Variants in GRIN2B observed in about 807,000 individuals in gnomAD.
The protein encoded by GRIN2B is glutamate ionotropic receptor NMDA type subunit 2B.
A neutral mutation model predicts 114.5 loss-of-function variants in GRIN2B; 5 were observed. That is an observed-to-expected ratio of 0.04 (90% CI 0.02 to 0.09). The LOEUF (loss-of-function observed/expected upper bound fraction) is 0.09, where lower values mean the gene tolerates loss of function less well. Among genes scored for constraint, GRIN2B ranks in the 10% least tolerant of loss-of-function variants. The pLI, the probability that GRIN2B is intolerant of heterozygous loss-of-function variation, is 1.00. For missense variants in GRIN2B, 1,108 were observed against 1,943.5 expected (o/e 0.57, Z 8.08); for synonymous variants, 787 against 745.1 (o/e 1.06, Z -0.92).
At chr12:13,738,035 C>T in intron 4 of GRIN2B, among the ~76,000 whole-genome samples, 1 of 152,202 alleles carries the variant, frequency 6.6e-6, no homozygotes. Context: ...CATCCACCTA[C>T]AAACCCTTTC....
intron 2 of GRIN2B, among the ~76,000 whole-genome samples, chr12:13,881,042 G>A (rs1174781987): frequency 6.6e-6 from 1 of 152,170 alleles, no homozygotes; most frequent in Non-Finnish European, 1.5e-5. Flanking sequence ...GTGCGCAGGT[G>A]TGCATGCACA....
At position 13,675,622 on chromosome 12, in the gene GRIN2B, G is replaced by T. The variant is rs778443463; in HGVS notation, c.1125+123C>A. The stretch of plus-strand genomic sequence containing the variant: ...AGAAATGGCTTCTCCTGTGTATCAA[G>T]GTATTGATCCCTTGCTCCACAGGTC... On this transcript the variant is annotated intron_variant, in intron 5 of 13. Transcript: ENST00000609686. 5 of 735,978 alleles carry T rather than the reference G, an allele frequency of 6.8e-6. No homozygotes were observed. In the African/African-American group the frequency reaches 8.6e-5, roughly 13 times the overall value. 45.6% of individuals were successfully genotyped at this position (735,978 alleles called of 1,614,324 possible). A position where few individuals can be genotyped will look rare whatever the true frequency, so the allele number is the denominator to read the frequency against.
intron 3 of GRIN2B, among the ~76,000 whole-genome samples, chr12:13,863,243 A>T (rs967863287): frequency 2.6e-5 from 4 of 152,154 alleles, no homozygotes; most frequent in African/African-American, 9.7e-5. Flanking sequence ...TGCTACACTT[A>T]AGCGCTCCAC....
intron 4 of GRIN2B, among the ~76,000 whole-genome samples, chr12:13,746,378 A>G (rs543893340): frequency 6.6e-6 from 1 of 152,134 alleles, no homozygotes; most frequent in Non-Finnish European, 1.5e-5. Context: ...TCTGAGGCAG[A>G]ATCTGTTTTC....
At chr12:13,632,072 C>A (rs1949619931) in intron 5 of GRIN2B, among the ~76,000 whole-genome samples, 1 of 152,150 alleles carries the variant, frequency 6.6e-6, no homozygotes, top group South Asian at 2.1e-4. Flanking sequence ...AAACCCCAAA[C>A]AATAACCTTA....
rs1591598679 is a variant in GRIN2B at position 13,552,600 on chromosome 12, G to A, written c.*10183C>T. The A allele has an allele frequency of 1.3e-5, 2 of 152,026 alleles. No homozygotes were observed. The highest frequency in any genetic ancestry group is 4.1e-4 in the South Asian group (2 of 4,824). The allele number at this position is 152,026 out of a possible 1,614,324, so 9.4% of individuals were successfully genotyped here. On this transcript the variant is annotated 3_prime_UTR_variant, in exon 14 of 14. Transcript: ENST00000609686. ...AATGAGATTCATGAACGTCCTTCAT[G>A]AGGATGGCTGTCTTCCTACCCTCCC...
At chr12:13,896,673 A>T (rs1866361435) in intron 2 of GRIN2B, among the ~76,000 whole-genome samples, 1 of 152,216 alleles carries the variant, frequency 6.6e-6, no homozygotes, top group South Asian at 2.1e-4. Flanking sequence ...TCCTTGAAAA[A>T]GAAAAGCTCA....
chr12:13,583,811 C>T (rs561488465), intron 10 of GRIN2B, among the ~76,000 whole-genome samples: 5 of 152,100 alleles, frequency 3.3e-5, no homozygotes, highest in East Asian at 1.9e-4. Context: ...GAATGTTTGG[C>T]GCCTAGATAG....
At chr12:13,647,500 A>T (rs1212809022) in intron 5 of GRIN2B, among the ~76,000 whole-genome samples, 1 of 152,118 alleles carries the variant, frequency 6.6e-6, no homozygotes, top group Admixed American at 6.6e-5. Context: ...ATGGATTACA[A>T]TATGACTTCT....
chr12:13,630,866 T>C (rs1380734015), intron 5 of GRIN2B, among the ~76,000 whole-genome samples: 1 of 152,166 alleles, frequency 6.6e-6, no homozygotes, highest in Admixed American at 6.5e-5. Context: ...GGGTAATTTA[T>C]AAAGAAAGGA....
intron 3 of GRIN2B, among the ~76,000 whole-genome samples, chr12:13,773,246 C>G (rs1262901445): frequency 1.3e-5 from 2 of 152,166 alleles, no homozygotes; most frequent in East Asian, 3.8e-4. Flanking sequence ...TCCCCCAAGT[C>G]TAATTTTTTT....
intron 2 of GRIN2B, among the ~76,000 whole-genome samples, chr12:13,964,828 G>A (rs557342885): frequency 1.6e-4 from 25 of 152,310 alleles, no homozygotes; most frequent in African/African-American, 4.6e-4. Context: ...TGTTTGTGAC[G>A]GCAGCGGTGC....
At position 13,615,693 on chromosome 12, in the gene GRIN2B, A is replaced by G; in HGVS notation, c.1329-29T>C. On this transcript the variant is annotated intron_variant, in intron 6 of 13. Coordinates refer to ENST00000609686, the MANE Select transcript of GRIN2B (RefSeq NM_000834.5). This position sits in a 1 kb window ranked among gnomAD's most constrained non-coding sequence, Gnocchi z 5.8. ...GCCAATTAAAGAAACAAAAACAAACAAACAAAAAAGTCTTTGTACAAAAAG... is the reference window on the plus strand; with the variant it reads ...GCCAATTAAAGAAACAAAAACAAACGAACAAAAAAGTCTTTGTACAAAAAG... 6.9e-6 allele frequency: 11 copies of G among 1,603,834 alleles called. No individual in the cohort carries two copies. Among genetic ancestry groups the G allele is most frequent in the Non-Finnish European group, 9.4e-6 (11 of 1,170,746 alleles).
chr12:13,779,551 TAATA>T (rs2136653750), intron 3 of GRIN2B, among the ~76,000 whole-genome samples: 1 of 152,330 alleles, frequency 6.6e-6, no homozygotes, highest in African/African-American at 2.4e-5. Context: ...ACATTTCACT[TAATA>T]TATCTAAAAT....
intron 2 of GRIN2B, among the ~76,000 whole-genome samples, chr12:13,949,304 C>T (rs1345836413): frequency 5.3e-5 from 8 of 152,278 alleles, no homozygotes; most frequent in Non-Finnish European, 5.9e-5. Context: ...GCTACAGAGA[C>T]GTCTCAAACA....
At chr12:13,889,351 A>C (rs1036949374) in intron 2 of GRIN2B, among the ~76,000 whole-genome samples, 5 of 152,204 alleles carry the variant, frequency 3.3e-5, no homozygotes, top group Non-Finnish European at 7.4e-5. Context: ...GGCACATAAA[A>C]CAATTTTGCC....
chr12:13,858,180 G>A lies in GRIN2B; in HGVS notation c.411+7618C>T, dbSNP rs140562740. Reference sequence around the variant, plus strand: ...TCTAAATTCAATGAAAACATTAAATGAGATAAAATATATAAGATGACTAGC... The same window carrying A: ...TCTAAATTCAATGAAAACATTAAATAAGATAAAATATATAAGATGACTAGC... On this transcript the variant is annotated intron_variant, in intron 3 of 13. Coordinates refer to ENST00000609686, the MANE Select transcript of GRIN2B (RefSeq NM_000834.5). Among the ~76,000 whole-genome samples, 575 of 152,178 alleles carry A rather than the reference G, an allele frequency of 3.8e-3. 1 individual carries two copies. The highest frequency in any genetic ancestry group is 0.01 in the Middle Eastern group (3 of 294).
At chr12:13,571,497 A>G (rs1948708052) in intron 11 of GRIN2B, among the ~76,000 whole-genome samples, 1 of 152,142 alleles carries the variant, frequency 6.6e-6, no homozygotes, top group Non-Finnish European at 1.5e-5. Context: ...CATACACGGC[A>G]CAAATACCTT....
intron 3 of GRIN2B, among the ~76,000 whole-genome samples, chr12:13,780,985 T>C (rs1281594275): frequency 1.3e-5 from 2 of 152,196 alleles, no homozygotes; most frequent in Non-Finnish European, 2.9e-5. Context: ...TATTTTCTGA[T>C]CACAGATGTA....
Sources: allele counts gnomAD v4.1 joint callset (sites outside exome capture counted in the v4.1 genomes callset), GRCh38; gene constraint gnomAD v4.1.1; non-coding constraint Gnocchi (gnomAD v3.1); transcripts MANE v1.5; gene names NCBI Gene and HGNC (gene_info 2026-07-23, HGNC 2026-07-21).